The following CCDC50 variants were observed in gnomAD, a reference collection of about 807,000 sequenced individuals.
CCDC50 encodes coiled-coil domain-containing protein 50.
A neutral mutation model predicts 70.2 loss-of-function variants in CCDC50; 54 were observed. That is an observed-to-expected ratio of 0.77 (90% CI 0.62 to 0.96). CCDC50 has a LOEUF of 0.96. CCDC50 is among the 50% of genes least tolerant of loss of function. The pLI is 0.00. For missense variants in CCDC50, 558 were observed against 578.7 expected (o/e 0.96, Z 0.37); for synonymous variants, 216 against 198.8 (o/e 1.09, Z -0.73).
chr3:191,382,714 T>TTTTG lies in CCDC50; in HGVS notation c.1243-18_1243-15dup, dbSNP rs750901650. The TTTTG allele has an allele frequency of 5.7e-6, 8 of 1,415,736 alleles. No individual in the cohort carries two copies. The African/African-American group carries it at 8.7e-5, about 15-fold the overall frequency. The allele number at this position is 1,415,736 out of a possible 1,614,324, so 87.7% of individuals were successfully genotyped here. On this transcript the variant is annotated intron_variant, in intron 9 of 11. Coordinates refer to ENST00000392455, the MANE Select transcript of CCDC50 (RefSeq NM_178335.3). Reference sequence around the variant, plus strand: ...ATTCTGGATTGTATGTGTGTGTTATTTTTGTTTGTTTGTTTGTATTTTTGT... The same window carrying TTTTG: ...ATTCTGGATTGTATGTGTGTGTTATTTTTGTTTGTTTGTTTGTTTGTATTTTTGT...
intron 1 of CCDC50, among the ~76,000 whole-genome samples, chr3:191,339,221 T>C (rs983809521): frequency 3.3e-5 from 5 of 152,120 alleles, no homozygotes; most frequent in African/African-American, 7.2e-5. Context: ...CCTTTTTGCT[T>C]TGGGGATGAT....
At position 191,343,850 on chromosome 3, in the gene CCDC50, T is replaced by C. The variant is rs558558683; in HGVS notation, c.50-13238T>C. Among the ~76,000 whole-genome samples the C allele has an allele frequency of 3.9e-5, 6 of 152,352 alleles. No individual in the cohort carries two copies. The East Asian group carries it at 1.2e-3, about 29-fold the overall frequency. On this transcript the variant is annotated intron_variant, in intron 1 of 11. Transcript: ENST00000392455. ...AGTTGTATTTCAAGAATTGAACTCCTCTAACTATGTTGAATACCTGGTTCA... is the reference window on the plus strand; with the variant it reads ...AGTTGTATTTCAAGAATTGAACTCCCCTAACTATGTTGAATACCTGGTTCA...
intron 1 of CCDC50, among the ~76,000 whole-genome samples, chr3:191,342,961 G>A (rs1234179166): frequency 2.0e-5 from 3 of 152,216 alleles, no homozygotes; most frequent in African/African-American, 4.8e-5. Context: ...AAAATATCCT[G>A]CAGTGCTCAA....
chr3:191,357,409 C>T (rs1712328662), intron 2 of CCDC50, among the ~76,000 whole-genome samples: 1 of 152,100 alleles, frequency 6.6e-6, no homozygotes, highest in African/African-American at 2.4e-5. Context: ...TTTTCCTAGC[C>T]TCTTGTTGTA....
chr3:191,368,147 C>T (rs999502779), intron 4 of CCDC50, among the ~76,000 whole-genome samples: 2 of 151,992 alleles, frequency 1.3e-5, no homozygotes, highest in African/African-American at 4.8e-5. Flanking sequence ...ATTTCTCTCC[C>T]AATGTCTCTT....
rs1553844448 is a variant in CCDC50 at position 191,380,142 on chromosome 3, T to TG, written c.977-17_977-16insG. On this transcript the variant is annotated splice_polypyrimidine_tract_variant and intron_variant, in intron 6 of 11. Coordinates refer to ENST00000392455, the MANE Select transcript of CCDC50 (RefSeq NM_178335.3). ...CTCGGTTGTTTTATTACATTGAGTT[T>TG]TTTTTTTTTTTTAAAGGAATGAAGC... The TG allele has an allele frequency of 1.4e-6, 2 of 1,410,648 alleles. No homozygotes were observed. Among genetic ancestry groups the TG allele is most frequent in the South Asian group, 2.5e-5 (2 of 81,528 alleles). The allele number at this position is 1,410,648 out of a possible 1,614,324, so 87.4% of individuals were successfully genotyped here. A position where few individuals can be genotyped will look rare whatever the true frequency, so the allele number is the denominator to read the frequency against.
chr3:191,358,028 G>A lies in CCDC50; in HGVS notation c.143G>A (p.Arg48Gln), dbSNP rs1712350953. 1.9e-6 allele frequency: 3 copies of A among 1,613,804 alleles called. No homozygotes were observed. Among genetic ancestry groups the A allele is most frequent in the South Asian group, 1.1e-5 (1 of 91,084 alleles). The change falls in exon 3 of 12, where the codon CGG becomes CAG. Residue 48 changes from arginine (R) to glutamine (Q), a missense_variant. Coordinates refer to ENST00000392455, the MANE Select transcript of CCDC50 (RefSeq NM_178335.3). The stretch of plus-strand genomic sequence containing the variant: ...CATCATTTGGCATCGAACGTTCAGC[G>A]GAACCGTTTGGTCCAGCATGATCTC... The part of the protein sequence containing the change: ...IEHHLASNVQ[R>Q]NRLVQHDLQV...
At position 191,353,000 on chromosome 3, in the gene CCDC50, C is replaced by T. The variant is rs973124061; in HGVS notation, c.50-4088C>T. ...TTTAACTTCTTTCAATTAACGAGCA[C>T]ACATTGTGTGGAAGGTGCAGAAAGT... On this transcript the variant is annotated intron_variant, in intron 1 of 11. Transcript: ENST00000392455. 7.1e-5 allele frequency among the ~76,000 whole-genome samples: 10 copies of T among 140,732 alleles called. No homozygotes were observed. In the East Asian group the frequency reaches 1.7e-3, roughly 24 times the overall value. 92.3% of individuals were successfully genotyped at this position (140,732 alleles called of 152,430 possible).
chr3:191,359,127 T>TA (rs1295370056), intron 3 of CCDC50, among the ~76,000 whole-genome samples: 9 of 152,350 alleles, frequency 5.9e-5, no homozygotes, highest in Admixed American at 5.9e-4. Flanking sequence ...TATCTAGAGA[T>TA]ACGTGCATGA....
At chr3:191,351,687 G>A (rs1712112150) in intron 1 of CCDC50, among the ~76,000 whole-genome samples, 1 of 141,334 alleles carries the variant, frequency 7.1e-6, no homozygotes, top group Non-Finnish European at 1.6e-5. Flanking sequence ...GATAGAGTTT[G>A]GTTGGCGTGA....
rs1048271374 is a variant in CCDC50 at position 191,397,004 on chromosome 3, G to C, written c.*5244G>C. 4 of 152,156 alleles carry C rather than the reference G, an allele frequency of 2.6e-5. No homozygotes were observed. The highest frequency in any genetic ancestry group is 5.9e-5 in the Non-Finnish European group (4 of 68,000). 9.4% of individuals were successfully genotyped at this position (152,156 alleles called of 1,614,324 possible). A position where few individuals can be genotyped will look rare whatever the true frequency, so the allele number is the denominator to read the frequency against. On this transcript the variant is annotated 3_prime_UTR_variant, in exon 12 of 12. Coordinates refer to ENST00000392455, the MANE Select transcript of CCDC50 (RefSeq NM_178335.3). Reference sequence around the variant, plus strand: ...CTTTTTGAGTTAACTTCATAGCATAGAGAACCAGCACTGTGCAGGTTTCAG... The same window carrying C: ...CTTTTTGAGTTAACTTCATAGCATACAGAACCAGCACTGTGCAGGTTTCAG...
At chr3:191,355,698 A>G (rs1455024941) in intron 1 of CCDC50, among the ~76,000 whole-genome samples, 3 of 152,204 alleles carry the variant, frequency 2.0e-5, no homozygotes, top group Non-Finnish European at 2.9e-5. Context: ...GGGCTTCAAG[A>G]TATTAGAATC....
At chr3:191,370,677 C>T (rs1315072152) in intron 5 of CCDC50, among the ~76,000 whole-genome samples, 3 of 151,670 alleles carry the variant, frequency 2.0e-5, no homozygotes, top group East Asian at 1.9e-4. Context: ...TTAGTAGAGG[C>T]GAGGTTTCAC....
Position 191,382,740 on chromosome 3 carries a change from C to A in CCDC50, c.1243-6C>A, listed in dbSNP as rs747540278. 1 of 1,595,270 alleles carries A rather than the reference C, an allele frequency of 6.3e-7. No individual in the cohort carries two copies. The highest frequency in any genetic ancestry group is 8.6e-7 in the Non-Finnish European group (1 of 1,163,698). On this transcript the variant is annotated splice_polypyrimidine_tract_variant and splice_region_variant and intron_variant, in intron 9 of 11. Coordinates refer to ENST00000392455, the MANE Select transcript of CCDC50 (RefSeq NM_178335.3). ...TTTGTTTGTTTGTTTGTATTTTTGT[C>A]CATAGCCAAAAACAGCTAAAGCAGC...
In CCDC50 at chr3:191,348,447, G is replaced by A. The variant is rs549875810; in HGVS notation, c.50-8641G>A. Among the ~76,000 whole-genome samples, 6 of 142,600 alleles carry A rather than the reference G, an allele frequency of 4.2e-5. 1 individual carries two copies. In the South Asian group the frequency reaches 1.1e-3, roughly 26 times the overall value. The allele number at this position is 142,600 out of a possible 152,430, so 93.6% of individuals were successfully genotyped here. A position where few individuals can be genotyped will look rare whatever the true frequency, so the allele number is the denominator to read the frequency against. On this transcript the variant is annotated intron_variant, in intron 1 of 11. Transcript: ENST00000392455. ...CTTAGTCATCTGTATAAGGTGTAGA[G>A]TGAAAATGTTTGTCTTTCACAAAGA...
rs1713713613 is a variant in CCDC50, at chr3:191,392,059, G to A, written c.*299G>A. 3.0e-6 allele frequency: 1 copy of A among 338,232 alleles called. No homozygotes were observed. Among genetic ancestry groups the A allele is most frequent in the African/African-American group, 2.1e-5 (1 of 47,926 alleles). 21.0% of individuals were successfully genotyped at this position (338,232 alleles called of 1,614,324 possible). A position where few individuals can be genotyped will look rare whatever the true frequency, so the allele number is the denominator to read the frequency against. ...GCCATTTTGTTAGGTATGGAGTTTG[G>A]TATCTAGGGAGTAGGCCTTATTTAG... is the stretch of plus-strand genomic sequence containing the variant. On this transcript the variant is annotated 3_prime_UTR_variant, in exon 12 of 12. Coordinates refer to ENST00000392455, the MANE Select transcript of CCDC50 (RefSeq NM_178335.3).
chr3:191,331,318 C>T (rs1717976187), intron 1 of CCDC50, among the ~76,000 whole-genome samples: 1 of 152,170 alleles, frequency 6.6e-6, no homozygotes, highest in Admixed American at 6.5e-5. Flanking sequence ...TAAAACTCTT[C>T]ATATACATTT....
At chr3:191,370,148 C>T in intron 5 of CCDC50, 112 bp downstream of exon 5, 1 of 762,466 alleles carries the variant, frequency 1.3e-6, no homozygotes, top group East Asian at 2.5e-5. Flanking sequence ...CTCTTATCCC[C>T]AGGCACTGGG....
chr3:191,375,228 A>G lies in CCDC50; in HGVS notation c.615A>G (p.Ser205=). 6.2e-7 allele frequency: 1 copy of G among 1,613,820 alleles called. No individual in the cohort carries two copies. The highest frequency in any genetic ancestry group is 8.5e-7 in the Non-Finnish European group (1 of 1,179,820). ...EQHCSSKRSL[S]SSSSGKGRDN... ...ATTGTTCATCGAAGAGATCCCTGTC[A>G]TCCTCTAGCTCGGGCAAAGGGAGGG... The change falls in exon 6 of 12, where the codon TCA becomes TCG. Residue 205 remains serine, a synonymous_variant. Transcript: ENST00000392455.
Sources: gnomAD v4.1 joint callset for allele counts (sites outside exome capture counted in the v4.1 genomes callset) on GRCh38, gnomAD v4.1.1 for gene constraint, MANE v1.5 for transcripts, NCBI Gene and HGNC (gene_info 2026-07-23, HGNC 2026-07-21) for gene names.